MPPED1: variants seen among roughly 807,000 people sequenced by gnomAD.
The protein encoded by MPPED1 is metallophosphoesterase domain containing 1.
In MPPED1, 16 loss-of-function variants were observed where a neutral mutation model predicts 36.2. That is an observed-to-expected ratio of 0.44 (90% CI 0.30 to 0.67). The LOEUF (loss-of-function observed/expected upper bound fraction) is 0.67, where lower values mean the gene tolerates loss of function less well. MPPED1 is among the 30% of genes least tolerant of loss of function. The pLI is 0.10. For missense variants in MPPED1, 307 were observed against 453.4 expected, an observed-to-expected ratio of 0.68 and a Z score of 2.93; for synonymous variants, 199 against 191.3, an observed-to-expected ratio of 1.04 and a Z score of -0.33.
chr22:43,429,875 CT>C (rs1428358828), intron 2 of MPPED1, among the ~76,000 whole-genome samples: 1 of 152,130 alleles, frequency 6.6e-6, no homozygotes, highest in Non-Finnish European at 1.5e-5. Context: ...GAGTGGGCCA[CT>C]TTAGGAAGAG....
chr22:43,479,013 G>A (rs570628377), intron 4 of MPPED1, among the ~76,000 whole-genome samples: 3 of 152,154 alleles, frequency 2.0e-5, no homozygotes, highest in East Asian at 1.9e-4. Flanking sequence ...CTGTATTCAC[G>A]GCTGAAGAAC....
intron 4 of MPPED1, among the ~76,000 whole-genome samples, chr22:43,495,150 G>C (rs1932219349): frequency 6.6e-6 from 1 of 150,950 alleles, no homozygotes; most frequent in African/African-American, 2.4e-5. Flanking sequence ...GGTGGTGATG[G>C]AGGTGCTGGT....
intron 2 of MPPED1, among the ~76,000 whole-genome samples, chr22:43,433,122 C>T (rs189161342): frequency 3.7e-4 from 56 of 152,036 alleles, no homozygotes; most frequent in African/African-American, 1.2e-3. Context: ...GAGTGGGGGT[C>T]ACTGGGGGCC....
rs1018545681 is a variant in MPPED1, at chr22:43,412,867, C to G, written c.-79+709C>G. Among the ~76,000 whole-genome samples, 33 of 152,344 alleles carry G rather than the reference C, an allele frequency of 2.2e-4. 1 individual carries two copies. The highest frequency in any genetic ancestry group is 7.9e-4 in the African/African-American group (33 of 41,584). ...TTTGTTCTGGGACATGTTACGGGAGCGTGAATTCATGCTGTCTCCCTTCAC... is the reference window on the plus strand; with the variant it reads ...TTTGTTCTGGGACATGTTACGGGAGGGTGAATTCATGCTGTCTCCCTTCAC... On this transcript the variant is annotated intron_variant, in intron 1 of 6. Transcript: ENST00000443721.
chr22:43,478,855 T>G (rs73167993), intron 4 of MPPED1, among the ~76,000 whole-genome samples: 10,717 of 151,992 alleles, frequency 0.071, 425 homozygotes, highest in Middle Eastern at 0.11. Context: ...GGCTTCCCAG[T>G]AAGTGGGAAG....
chr22:43,412,988 C>T (rs1184930714), intron 1 of MPPED1, among the ~76,000 whole-genome samples: 5 of 152,212 alleles, frequency 3.3e-5, no homozygotes, highest in Non-Finnish European at 5.9e-5. Context: ...TGCTCCTTTC[C>T]CTCCCACCTC....
At chr22:43,496,168 G>A (rs1299850697) in intron 4 of MPPED1, among the ~76,000 whole-genome samples, 27 of 110,476 alleles carry the variant, frequency 2.4e-4, no homozygotes, top group Non-Finnish European at 3.5e-4. Flanking sequence ...TGGTGGAGGT[G>A]GTGATGGTGG....
At chr22:43,424,759 A>G (rs1167080890) in intron 1 of MPPED1, 149 bp from the exon 2 acceptor site, 1 of 1,056,366 alleles carries the variant, frequency 9.5e-7, no homozygotes, top group Non-Finnish European at 1.3e-6. Context: ...GCTGAGTTGG[A>G]AAGATTTGTA....
chr22:43,482,551 A>G (rs1312866049), intron 4 of MPPED1, among the ~76,000 whole-genome samples: 3 of 152,212 alleles, frequency 2.0e-5, no homozygotes, highest in Non-Finnish European at 4.4e-5. Flanking sequence ...CGTGGCTCCC[A>G]GCTGTTTAAC....
At chr22:43,426,529 G>A (rs1279927854) in intron 2 of MPPED1, among the ~76,000 whole-genome samples, 1 of 152,176 alleles carries the variant, frequency 6.6e-6, no homozygotes, top group African/African-American at 2.4e-5. Flanking sequence ...TTAGGGCAGC[G>A]GTGCTTGTGG....
intron 2 of MPPED1, among the ~76,000 whole-genome samples, chr22:43,432,350 G>T: frequency 7.1e-6 from 1 of 140,000 alleles, no homozygotes; most frequent in Non-Finnish European, 1.5e-5. Flanking sequence ...GAGAGAAGGG[G>T]AGGAGAGAGA....
chr22:43,424,731 A>C (rs574746044), intron 1 of MPPED1, among the ~76,000 whole-genome samples, 177 bp from the exon 2 acceptor site: 1 of 151,544 alleles, frequency 6.6e-6, no homozygotes, highest in African/African-American at 2.4e-5. Flanking sequence ...CTTTTTACCA[A>C]AGTATATTCA....
chr22:43,445,943 G>A (rs540052459), intron 3 of MPPED1, among the ~76,000 whole-genome samples: 7 of 139,362 alleles, frequency 5.0e-5, no homozygotes, highest in East Asian at 4.4e-4. Context: ...TGATCATGGC[G>A]CACTGCAGCC....
intron 3 of MPPED1, among the ~76,000 whole-genome samples, chr22:43,452,434 C>T (rs1291055455): frequency 6.6e-6 from 1 of 152,152 alleles, no homozygotes; most frequent in Non-Finnish European, 1.5e-5. Context: ...TCCTCAGCTG[C>T]CTGTGTGTGT....
intron 3 of MPPED1, among the ~76,000 whole-genome samples, chr22:43,439,443 AG>A (rs1283941349): frequency 3.9e-5 from 6 of 152,376 alleles, no homozygotes; most frequent in African/African-American, 1.2e-4. Context: ...GCTCCTCACC[AG>A]CCACAGGGAG....
chr22:43,438,258 G>A (rs765732406), intron 3 of MPPED1, among the ~76,000 whole-genome samples: 29 of 152,322 alleles, frequency 1.9e-4, no homozygotes, highest in Admixed American at 1.4e-3. Context: ...GGCACGGAAG[G>A]CCTCCCTGAG....
rs1409215645 is a variant in MPPED1, at chr22:43,474,061, C to T, written c.407-675C>T. ...AGTAGGGGTGGGTACTATAATGTTT[C>T]CTGAGTGTGGGGTCTCCAAACATTT... On this transcript the variant is annotated intron_variant, in intron 3 of 6. Transcript: ENST00000443721. This position sits in a 1 kb window ranked among gnomAD's most constrained non-coding sequence, Gnocchi z 5.2. Among the ~76,000 whole-genome samples the T allele has an allele frequency of 6.6e-6, 1 of 152,152 alleles. No homozygotes were observed. The highest frequency in any genetic ancestry group is 6.5e-5 in the Admixed American group (1 of 15,276).
chr22:43,465,757 G>T (rs955953120), intron 3 of MPPED1, among the ~76,000 whole-genome samples: 19 of 152,202 alleles, frequency 1.2e-4, no homozygotes, highest in Non-Finnish European at 2.5e-4. Context: ...TCAGAAGGAA[G>T]GGCGGGAAGA....
chr22:43,505,641 C>T lies in MPPED1; in HGVS notation c.*25C>T, dbSNP rs758409947. ...ACTGCTCCCCACTGCCCCTGCCCTG[C>T]CCGCCCGTGTCAGCTCCACAGGCCT... On this transcript the variant is annotated 3_prime_UTR_variant, in exon 7 of 7. Coordinates refer to ENST00000443721, the MANE Select transcript of MPPED1 (RefSeq NM_001044370.2). The T allele has an allele frequency of 1.3e-5, 20 of 1,574,940 alleles. 1 individual carries two copies. The Admixed American group carries it at 2.7e-4, about 21-fold the overall frequency.
Sources: allele counts gnomAD v4.1 joint callset (sites outside exome capture counted in the v4.1 genomes callset), GRCh38; gene constraint gnomAD v4.1.1; non-coding constraint Gnocchi (gnomAD v3.1); transcripts MANE v1.5; gene names NCBI Gene and HGNC (gene_info 2026-07-23, HGNC 2026-07-21).